The following ADGRL2 variants were observed in gnomAD, a reference collection of about 807,000 sequenced individuals.
ADGRL2 encodes calcium-independent alpha-latrotoxin receptor 2.
Under a neutral mutation model 157.4 loss-of-function variants are expected in ADGRL2, and 44 were observed. The ratio of observed to expected loss-of-function variants is 0.28; its 90% CI spans 0.22 to 0.36. The LOEUF (loss-of-function observed/expected upper bound fraction) is 0.36. Ranked by LOEUF, ADGRL2 falls within the 10% of genes least tolerant of loss-of-function variation. The pLI, the probability that ADGRL2 is intolerant of heterozygous loss-of-function variation, is 1.00. For synonymous variants in ADGRL2, 585 were observed against 624.7 expected, an observed-to-expected ratio of 0.94 and a Z score of 0.95; for missense variants, 1,510 against 1,768.9, an observed-to-expected ratio of 0.85 and a Z score of 2.63.
intron 2 of ADGRL2, among the ~76,000 whole-genome samples, chr1:81,468,771 T>C (rs2078111869): frequency 6.6e-6 from 1 of 152,186 alleles, no homozygotes; most frequent in African/African-American, 2.4e-5. Flanking sequence ...ATGCCAACTT[T>C]TCATCAACCT....
chr1:81,937,387 G>A (rs1011265580), intron 4 of ADGRL2, among the ~76,000 whole-genome samples: 1 of 151,730 alleles, frequency 6.6e-6, no homozygotes, highest in Non-Finnish European at 1.5e-5. Context: ...CCTTGCACAT[G>A]GTTCTGTTTT....
At chr1:81,697,225 A>AT (rs150042141), upstream of ADGRL2, among the ~76,000 whole-genome samples, 2,646 of 152,320 alleles carry the variant, frequency 0.017, 33 homozygotes, top group South Asian at 0.054. Flanking sequence ...TGAAAGTTGC[A>AT]TAAGCTTCCT....
intron 2 of ADGRL2, among the ~76,000 whole-genome samples, chr1:81,774,162 G>A (rs2086485585): frequency 6.6e-6 from 1 of 152,168 alleles, no homozygotes; most frequent in African/African-American, 2.4e-5. Flanking sequence ...ACTACATTAA[G>A]TTATATGTAT....
At chr1:81,490,258 A>G (rs1314785395) in intron 2 of ADGRL2, among the ~76,000 whole-genome samples, 1 of 151,956 alleles carries the variant, frequency 6.6e-6, no homozygotes, top group Non-Finnish European at 1.5e-5. Flanking sequence ...CAGCCTCCCA[A>G]GTAGCTGGAA....
chr1:81,529,759 T>C (rs1305640116), intron 2 of ADGRL2, among the ~76,000 whole-genome samples: 2 of 152,184 alleles, frequency 1.3e-5, no homozygotes, highest in African/African-American at 2.4e-5. Context: ...CAAATTAACT[T>C]GCCCAGCATA....
intron 19 of ADGRL2, among the ~76,000 whole-genome samples, chr1:81,982,218 C>T (rs1443043037): frequency 1.3e-5 from 2 of 151,794 alleles, no homozygotes; most frequent in East Asian, 3.9e-4. Context: ...AAGATTTCTT[C>T]CTTGCTCGTA....
chr1:81,769,037 C>A (rs372116269), intron 2 of ADGRL2, among the ~76,000 whole-genome samples: 1 of 152,090 alleles, frequency 6.6e-6, no homozygotes, highest in South Asian at 2.1e-4. Context: ...GAGTAGAGAT[C>A]GCGGCACTGC....
intron 2 of ADGRL2, among the ~76,000 whole-genome samples, chr1:81,560,150 T>A (rs2080407331): frequency 2.0e-5 from 3 of 152,204 alleles, no homozygotes; most frequent in South Asian, 4.1e-4. Context: ...TAATAAATGC[T>A]TGATGAGATA....
At chr1:81,718,877 A>G (rs2084205175) in intron 1 of ADGRL2, among the ~76,000 whole-genome samples, 1 of 152,342 alleles carries the variant, frequency 6.6e-6, no homozygotes, top group Middle Eastern at 3.4e-3. Flanking sequence ...GTGTTATTAA[A>G]CAGCCTCAGA....
intron 3 of ADGRL2, among the ~76,000 whole-genome samples, chr1:81,609,428 T>C (rs1350557541): frequency 6.6e-6 from 1 of 152,194 alleles, no homozygotes; most frequent in Non-Finnish European, 1.5e-5. Context: ...TTTTGGTAGA[T>C]AATAGTTATA....
At chr1:81,711,782 T>C (rs1161345625) in intron 1 of ADGRL2, among the ~76,000 whole-genome samples, 1 of 152,110 alleles carries the variant, frequency 6.6e-6, no homozygotes, top group Non-Finnish European at 1.5e-5. Context: ...ATTTTGAAAA[T>C]AGATTTCACT....
intron 1 of ADGRL2, among the ~76,000 whole-genome samples, chr1:81,757,789 C>T (rs1326097073): frequency 6.6e-6 from 1 of 152,150 alleles, no homozygotes; most frequent in Non-Finnish European, 1.5e-5. Context: ...TAGGTAGAAA[C>T]AGATGCTTAG....
At chr1:81,763,866 C>T (rs947983056) in intron 2 of ADGRL2, among the ~76,000 whole-genome samples, 3 of 150,160 alleles carry the variant, frequency 2.0e-5, no homozygotes, top group African/African-American at 4.9e-5. Context: ...ATTAGCTGGG[C>T]GTGGTGGTGC....
chr1:81,735,415 A>C (rs2084862119), intron 1 of ADGRL2: 1 of 151,388 alleles, frequency 6.6e-6, no homozygotes, highest in Non-Finnish European at 1.5e-5. Flanking sequence ...ACCACATACC[A>C]ATGACCTCCA....
intron 1 of ADGRL2, among the ~76,000 whole-genome samples, chr1:81,420,550 C>T (rs1469138344): frequency 6.6e-6 from 1 of 152,154 alleles, no homozygotes; most frequent in East Asian, 1.9e-4. Context: ...TGAGTTTTCT[C>T]AGGATTCTTT....
intron 3 of ADGRL2, among the ~76,000 whole-genome samples, chr1:81,602,698 A>T (rs1290800355): frequency 6.6e-6 from 1 of 152,114 alleles, no homozygotes; most frequent in Non-Finnish European, 1.5e-5. Context: ...CAGGAGTTCA[A>T]GACCAGCCTG....
chr1:81,809,502 C>T (rs1347422421), intron 1 of ADGRL2, among the ~76,000 whole-genome samples: 1 of 151,954 alleles, frequency 6.6e-6, no homozygotes, highest in Non-Finnish European at 1.5e-5. Context: ...TAACTTTAGA[C>T]TTAGCATCAA....
chr1:81,840,049 A>C (rs2795990), intron 2 of ADGRL2, among the ~76,000 whole-genome samples: 1 of 142,468 alleles, frequency 7.0e-6, no homozygotes, highest in African/African-American at 2.5e-5. Context: ...TGCTGCTGTA[A>C]CCATGCATGA....
rs553319022 is a variant in ADGRL2, at chr1:81,551,060, C to T, written c.-247-29816C>T. ...AGAAGATGTACTGAGACTCATTGAG[C>T]TTCATTTTCTATGCAATGAGGATGA... On this transcript the variant is annotated intron_variant, in intron 2 of 24. Transcript: ENST00000370721. Among the ~76,000 whole-genome samples, 213 of 152,170 alleles carry T rather than the reference C, an allele frequency of 1.4e-3. 1 individual carries two copies. The highest frequency in any genetic ancestry group is 4.7e-3 in the African/African-American group (194 of 41,518).
Sources: allele counts gnomAD v4.1 joint callset (sites outside exome capture counted in the v4.1 genomes callset), GRCh38; gene constraint gnomAD v4.1.1; transcripts MANE v1.5; gene names NCBI Gene and HGNC (gene_info 2026-07-23, HGNC 2026-07-21).